The following JAG1 variants were observed in gnomAD, a reference collection of about 807,000 sequenced individuals.
JAG1 encodes the protein protein jagged-1.
A neutral mutation model predicts 148.7 loss-of-function variants in JAG1; 23 were observed. That is an observed-to-expected ratio of 0.15 (90% CI 0.11 to 0.22). The LOEUF (loss-of-function observed/expected upper bound fraction) is 0.22. Ranked by LOEUF, JAG1 falls within the 10% of genes least tolerant of loss-of-function variation. The probability of loss-of-function intolerance (pLI) is 1.00; values close to 1 mark genes in which losing one functional copy is unlikely to be tolerated. For missense variants in JAG1, 1,054 were observed against 1,611.2 expected (o/e 0.65, Z 5.92); for synonymous variants, 572 against 598.3 (o/e 0.96, Z 0.64).
chr20:10,658,404 G>A, intron 4 of JAG1, 64 bp downstream of exon 4: 1 of 1,602,642 alleles, frequency 6.2e-7, no homozygotes, highest in Non-Finnish European at 8.5e-7. Flanking sequence ...CTGCCTGCTG[G>A]TGGGGTGATA....
chr20:10,662,637 T>C (rs183446004), intron 3 of JAG1: 1 of 152,272 alleles, frequency 6.6e-6, no homozygotes, highest in Admixed American at 6.6e-5. Context: ...TGACATAATG[T>C]TCACAGTCCT....
intron 3 of JAG1, among the ~76,000 whole-genome samples, chr20:10,661,325 C>A (rs951935229): frequency 6.6e-6 from 1 of 152,178 alleles, no homozygotes; most frequent in Admixed American, 6.5e-5. Context: ...TTACAACTCG[C>A]TTGGGTCCCA....
intron 5 of JAG1, chr20:10,652,848 C>A: frequency 2.4e-6 from 1 of 421,552 alleles, no homozygotes; most frequent in Non-Finnish European, 4.5e-6. Context: ...ATGCCCTTCA[C>A]AAAGCCACTC....
chr20:10,659,774 GA>G (rs757625114), intron 3 of JAG1, among the ~76,000 whole-genome samples: 6 of 151,320 alleles, frequency 4.0e-5, no homozygotes, highest in Non-Finnish European at 8.8e-5. Context: ...TCATGCTCCT[GA>G]AAAAAAATGC....
rs1287354705 is a variant in JAG1 at position 10,644,605 on chromosome 20, G to C, written c.2345-221C>G. The C allele has an allele frequency of 4.5e-5, 29 of 646,904 alleles. 1 individual carries two copies. Among genetic ancestry groups the C allele is most frequent in the Admixed American group, 3.6e-4 (16 of 44,388 alleles). The allele number at this position is 646,904 out of a possible 1,614,324, so 40.1% of individuals were successfully genotyped here. A position where few individuals can be genotyped will look rare whatever the true frequency, so the allele number is the denominator to read the frequency against. On this transcript the variant is annotated intron_variant, in intron 18 of 25. Transcript: ENST00000254958. The stretch of plus-strand genomic sequence containing the variant: ...AGAGGCCCTGGTAGGGGATAGGGGT[G>C]GGGGTGAGAATGGAAGGAGACAGGC...
chr20:10,648,995 T>A, intron 11 of JAG1, 66 bp downstream of exon 11: 1 of 1,277,710 alleles, frequency 7.8e-7, no homozygotes, highest in Non-Finnish European at 1.1e-6. Context: ...GCTCTCCTAG[T>A]GTCGCACAAA....
intron 2 of JAG1, among the ~76,000 whole-genome samples, chr20:10,669,196 T>C (rs1031787672): frequency 2.0e-5 from 3 of 152,154 alleles, no homozygotes; most frequent in Admixed American, 6.5e-5. Flanking sequence ...TGAGGTAGAC[T>C]TCTTAGGGCA....
At chr20:10,651,362 C>T (rs546605161) in intron 8 of JAG1, 2 of 518,844 alleles carry the variant, frequency 3.9e-6, no homozygotes, top group South Asian at 5.7e-5. Flanking sequence ...GAGGACGTTC[C>T]TTCCAAGAAC....
In JAG1 at chr20:10,645,507, T is replaced by C. The variant is rs2067302802; in HGVS notation, c.2000-38A>G. ...GGGAGACAATCGGCTGAAGACGAGA[T>C]CCAGGACCATTCACGACAGGCGAGA... is the stretch of plus-strand genomic sequence containing the variant. On this transcript the variant is annotated intron_variant, in intron 15 of 25. Coordinates refer to ENST00000254958, the MANE Select transcript of JAG1 (RefSeq NM_000214.3). This position sits in a 1 kb window ranked among gnomAD's most constrained non-coding sequence, Gnocchi z 6.1. 6.5e-7 allele frequency: 1 copy of C among 1,538,414 alleles called. No individual in the cohort carries two copies. Among genetic ancestry groups the C allele is most frequent in the Admixed American group, 1.7e-5 (1 of 59,892 alleles).
intron 20 of JAG1, among the ~76,000 whole-genome samples, chr20:10,643,461 G>A (rs180870722): frequency 6.6e-6 from 1 of 152,192 alleles, no homozygotes. Context: ...ACATCTGCTT[G>A]CCCATAATTT....
chr20:10,654,116 C>T (rs2067363367), intron 5 of JAG1, among the ~76,000 whole-genome samples: 2 of 152,342 alleles, frequency 1.3e-5, no homozygotes, highest in South Asian at 4.1e-4. Context: ...TAAGAGGGAA[C>T]TGATTACGAA....
intron 4 of JAG1, among the ~76,000 whole-genome samples, chr20:10,658,034 G>T (rs937705997): frequency 1.3e-5 from 2 of 152,210 alleles, no homozygotes; most frequent in African/African-American, 4.8e-5. Flanking sequence ...AGGGGAAAGA[G>T]CTGAGCAAGA....
At chr20:10,641,042 T>A (rs2067266983) in intron 24 of JAG1, 71 bp downstream of exon 24, 3 of 1,612,018 alleles carry the variant, frequency 1.9e-6, no homozygotes, top group Non-Finnish European at 2.5e-6. Flanking sequence ...GTGAATTTGC[T>A]CCATTCAGAC....
At chr20:10,665,849 AC>A (rs1568804144) in intron 2 of JAG1, among the ~76,000 whole-genome samples, 1 of 152,148 alleles carries the variant, frequency 6.6e-6, no homozygotes. Flanking sequence ...TCAGTTTAAT[AC>A]TCAAAGAGGA....
chr20:10,639,474 A>C lies in JAG1; in HGVS notation c.*24T>G. The C allele has an allele frequency of 6.3e-7, 1 of 1,594,802 alleles. No individual in the cohort carries two copies. Among genetic ancestry groups the C allele is most frequent in the Non-Finnish European group, 8.6e-7 (1 of 1,162,302 alleles). ...AACTACAAGCCCTCAGACTCTACCT[A>C]GCGGCGGCAGTGCCCGCGGTCTGCT... On this transcript the variant is annotated 3_prime_UTR_variant, in exon 26 of 26. Coordinates refer to ENST00000254958, the MANE Select transcript of JAG1 (RefSeq NM_000214.3).
chr20:10,664,967 C>T (rs2067443382), intron 2 of JAG1, among the ~76,000 whole-genome samples: 1 of 152,130 alleles, frequency 6.6e-6, no homozygotes, highest in Admixed American at 6.5e-5. Flanking sequence ...TCACAAAACA[C>T]CAGCGTTTAA....
At chr20:10,652,833 T>C (rs1335630914) in intron 5 of JAG1, 5 of 443,632 alleles carry the variant, frequency 1.1e-5, no homozygotes, top group South Asian at 1.0e-4. Context: ...GAGGCCAGCA[T>C]GGGGATGCCC....
intron 3 of JAG1, among the ~76,000 whole-genome samples, chr20:10,659,899 AC>A (rs2067404926): frequency 6.6e-6 from 1 of 152,154 alleles, no homozygotes; most frequent in Admixed American, 6.5e-5. Context: ...AATAGCTCAA[AC>A]ATCAGGTGCC....
chr20:10,652,320 C>T, intron 6 of JAG1, 70 bp from the exon 7 acceptor site: 1 of 1,605,538 alleles, frequency 6.2e-7, no homozygotes, highest in Non-Finnish European at 8.5e-7. Context: ...TTTCTAGCCC[C>T]AGTCGTCTTT....
Sources: gnomAD v4.1 joint callset for allele counts (sites outside exome capture counted in the v4.1 genomes callset) on GRCh38, gnomAD v4.1.1 for gene constraint, Gnocchi (gnomAD v3.1) non-coding constraint, MANE v1.5 for transcripts, NCBI Gene and HGNC (gene_info 2026-07-23, HGNC 2026-07-21) for gene names.